PANK4: variants seen among roughly 807,000 people sequenced by gnomAD.
The protein encoded by PANK4 is pantothenate kinase 4 (inactive), also known as 4'-phosphopantetheine phosphatase.
PANK4 carries 40 observed loss-of-function variants against 87.9 expected under a neutral mutation model. The observed-to-expected ratio is 0.46, with a 90% CI of 0.35 to 0.59. The LOEUF (loss-of-function observed/expected upper bound fraction) is 0.59, where lower values mean the gene tolerates loss of function less well. PANK4 is among the 20% of genes least tolerant of loss of function. PANK4 has a pLI of 0.00. For missense variants in PANK4, 926 were observed against 1,072.3 expected (o/e 0.86, Z 1.90); for synonymous variants, 524 against 467.4 (o/e 1.12, Z -1.56).
chr1:2,513,524 G>A (rs1013875441), intron 12 of PANK4, among the ~76,000 whole-genome samples: 4 of 152,216 alleles, frequency 2.6e-5, no homozygotes, highest in Non-Finnish European at 2.9e-5. Context: ...CGCCCGGAAA[G>A]GCCCACCTTG....
intron 1 of PANK4, among the ~76,000 whole-genome samples, chr1:2,525,042 C>T (rs560213241): frequency 6.6e-6 from 1 of 152,324 alleles, no homozygotes; most frequent in South Asian, 2.1e-4. Context: ...GAAGCATTGC[C>T]TCCCATAAGC....
rs1377701143 is a variant in PANK4, at chr1:2,515,910, C to G, written c.1219-193G>C. 4.8e-6 allele frequency: 3 copies of G among 620,248 alleles called. No individual in the cohort carries two copies. Among genetic ancestry groups the G allele is most frequent in the Non-Finnish European group, 8.5e-6 (3 of 354,840 alleles). 38.4% of individuals were successfully genotyped at this position (620,248 alleles called of 1,614,324 possible). The stretch of plus-strand genomic sequence containing the variant: ...GGCCTGAGCCGGATACCTTGACTTA[C>G]CCCCTGGTTTGACACTGGGGTTGCG... On this transcript the variant is annotated intron_variant, in intron 9 of 18. Transcript: ENST00000378466. This position sits in a 1 kb window ranked among gnomAD's most constrained non-coding sequence, Gnocchi z 5.0.
intron 2 of PANK4, 106 bp downstream of exon 2, chr1:2,521,612 A>T: frequency 1.1e-6 from 1 of 935,694 alleles, no homozygotes; most frequent in Non-Finnish European, 1.8e-6. Flanking sequence ...CCAGGACACT[A>T]AAGTCGAGGT....
intron 12 of PANK4, 147 bp from the exon 13 acceptor site, chr1:2,513,186 G>C: frequency 1.2e-6 from 1 of 826,630 alleles, no homozygotes; most frequent in Non-Finnish European, 1.9e-6. Context: ...CAAGCCTATC[G>C]GTCCGGGACA....
Position 2,521,102 on chromosome 1 carries a change from T to C in PANK4, c.421A>G (p.Lys141Glu). ...CTCGCCCTTGAGATCCCCACTCACT[T>C]CAGCCGCAGCTTCTCTTCGATGAGG... is the stretch of plus-strand genomic sequence containing the variant. ...KDLIEEKLRL[K>E]VDKEDVMTCL... Residue 141 changes from lysine (K) to glutamate (E), a missense_variant and splice_region_variant, in exon 3 of 19, where the codon AAA becomes GAA. Lys to Glu is a moderately conservative substitution (Grantham distance 56). Transcript: ENST00000378466. 2 of 1,611,838 alleles carry C rather than the reference T, an allele frequency of 1.2e-6. No homozygotes were observed. Among genetic ancestry groups the C allele is most frequent in the Non-Finnish European group, 8.5e-7 (1 of 1,178,714 alleles).
chr1:2,521,856 GGGGT>G, intron 1 of PANK4, 56 bp from the exon 2 acceptor site: 3 of 1,371,310 alleles, frequency 2.2e-6, no homozygotes, highest in Non-Finnish European at 3.1e-6. Flanking sequence ...GCGGGGCCTG[GGGGT>G]CCATGCCCCA....
Position 2,520,302 on chromosome 1 carries a change from C to T in PANK4, c.699+20G>A. On this transcript the variant is annotated intron_variant, in intron 5 of 18. Transcript: ENST00000378466. This position sits in a 1 kb window ranked among gnomAD's most constrained non-coding sequence, Gnocchi z 6.2. ...ACATCTCCGCAGACCCCTGGAAGGT[C>T]TCTGGCAGCTGCCGCATACCTTCGT... 19 of 1,605,190 alleles carry T rather than the reference C, an allele frequency of 1.2e-5. No homozygotes were observed. The highest frequency in any genetic ancestry group is 1.6e-5 in the Non-Finnish European group (19 of 1,172,970).
At chr1:2,522,275 C>A (rs561561404) in intron 1 of PANK4, among the ~76,000 whole-genome samples, 7 of 152,322 alleles carry the variant, frequency 4.6e-5, no homozygotes, top group East Asian at 1.9e-4. Context: ...GGTAACGGGG[C>A]CTGAGCAGCT....
rs763133147 is a variant in PANK4 at position 2,526,437 on chromosome 1, CGCGCCCG to C, written c.124+20_124+26del. 1.3e-5 allele frequency: 17 copies of C among 1,304,258 alleles called. No individual in the cohort carries two copies. Among genetic ancestry groups the C allele is most frequent in the African/African-American group, 3.1e-5 (2 of 64,948 alleles). The allele number at this position is 1,304,258 out of a possible 1,614,324, so 80.8% of individuals were successfully genotyped here. A position where few individuals can be genotyped will look rare whatever the true frequency, so the allele number is the denominator to read the frequency against. ...CGGCGCCCCGCCCGCCCCCGCAGCC[CGCGCCCG>C]GCGCCCGGCCTGCGGCTACCTATGT... On this transcript the variant is annotated intron_variant, in intron 1 of 18. Transcript: ENST00000378466.
chr1:2,519,356 C>T lies in PANK4; in HGVS notation c.854-32G>A, dbSNP rs571828861. On this transcript the variant is annotated intron_variant, in intron 6 of 18. Coordinates refer to ENST00000378466, the MANE Select transcript of PANK4 (RefSeq NM_018216.4). The surrounding 1 kb of genome is among the most constrained non-coding windows in gnomAD (Gnocchi z 8.3). Reference sequence around the variant, plus strand: ...AAGGGAAGGAAAAGGCACTCATCTCCAAGTACAGCAAGTGCACGACATGAG... The same window carrying T: ...AAGGGAAGGAAAAGGCACTCATCTCTAAGTACAGCAAGTGCACGACATGAG... 13 of 1,522,350 alleles carry T rather than the reference C, an allele frequency of 8.5e-6. No individual in the cohort carries two copies. The East Asian group carries it at 2.8e-4, about 33-fold the overall frequency. The allele number at this position is 1,522,350 out of a possible 1,614,324, so 94.3% of individuals were successfully genotyped here. A position where few individuals can be genotyped will look rare whatever the true frequency, so the allele number is the denominator to read the frequency against.
Position 2,520,645 on chromosome 1 carries a change from C to T in PANK4, c.606+78G>A. ...CTGGGCCCCATCCATGTGCCCAGCCCTGGCTCCTGCACACAGCGAGGGCTT... is the reference window on the plus strand; with the variant it reads ...CTGGGCCCCATCCATGTGCCCAGCCTTGGCTCCTGCACACAGCGAGGGCTT... On this transcript the variant is annotated intron_variant, in intron 4 of 18. Coordinates refer to ENST00000378466, the MANE Select transcript of PANK4 (RefSeq NM_018216.4). This position sits in a 1 kb window ranked among gnomAD's most constrained non-coding sequence, Gnocchi z 6.2. The T allele has an allele frequency of 7.1e-7, 1 of 1,416,904 alleles. No individual in the cohort carries two copies. Among genetic ancestry groups the T allele is most frequent in the Non-Finnish European group, 9.8e-7 (1 of 1,020,212 alleles). 87.8% of individuals were successfully genotyped at this position (1,416,904 alleles called of 1,614,324 possible). A position where few individuals can be genotyped will look rare whatever the true frequency, so the allele number is the denominator to read the frequency against.
rs1370337881 is a variant in PANK4, at chr1:2,518,130, CT to C, written c.1218+33del. Reference sequence around the variant, plus strand: ...GGTGAGTGCGGCATAGGCTGCTCCCCTGGGGCCCGGGGCGGCCAGAGCCCAC... The same window carrying C: ...GGTGAGTGCGGCATAGGCTGCTCCCCGGGGCCCGGGGCGGCCAGAGCCCAC... On this transcript the variant is annotated intron_variant, in intron 9 of 18. Coordinates refer to ENST00000378466, the MANE Select transcript of PANK4 (RefSeq NM_018216.4). 2.1e-6 allele frequency: 3 copies of C among 1,424,532 alleles called. No homozygotes were observed. In the African/African-American group the frequency reaches 4.2e-5, roughly 20 times the overall value. 88.2% of individuals were successfully genotyped at this position (1,424,532 alleles called of 1,614,324 possible).
Position 2,521,869 on chromosome 1 carries a change from C to T in PANK4, c.125-69G>A, listed in dbSNP as rs777864594. On this transcript the variant is annotated intron_variant, in intron 1 of 18. Coordinates refer to ENST00000378466, the MANE Select transcript of PANK4 (RefSeq NM_018216.4). ...CAGCGGGGCCTGGGGGTCCATGCCCCACACTCTCTGGGTGTCCTGGAGACT... is the reference window on the plus strand; with the variant it reads ...CAGCGGGGCCTGGGGGTCCATGCCCTACACTCTCTGGGTGTCCTGGAGACT... The T allele has an allele frequency of 1.3e-5, 16 of 1,219,358 alleles. No individual in the cohort carries two copies. In the East Asian group the frequency reaches 2.8e-4, roughly 21 times the overall value. The allele number at this position is 1,219,358 out of a possible 1,614,324, so 75.5% of individuals were successfully genotyped here.
intron 13 of PANK4, 121 bp downstream of exon 13, chr1:2,512,767 C>T: frequency 1.0e-6 from 1 of 988,096 alleles, no homozygotes; most frequent in Admixed American, 2.0e-5. Context: ...AGCCCTGAGC[C>T]ACCAAGCCAC....
Position 2,520,962 on chromosome 1 carries a change from TGCAA to T in PANK4, c.423-60_423-57del. The T allele has an allele frequency of 6.6e-7, 1 of 1,524,226 alleles. No homozygotes were observed. Among genetic ancestry groups the T allele is most frequent in the East Asian group, 2.3e-5 (1 of 44,116 alleles). 94.4% of individuals were successfully genotyped at this position (1,524,226 alleles called of 1,614,324 possible). ...TCTGGGCCACAGACAGGTGCAACCA[TGCAA>T]GCCTGCCTGGTCCGAAGGGGCAGCC... On this transcript the variant is annotated intron_variant, in intron 3 of 18. Transcript: ENST00000378466. The surrounding 1 kb of genome is among the most constrained non-coding windows in gnomAD (Gnocchi z 6.2).
In PANK4 at chr1:2,508,608, CTATTTATA is replaced by C. The variant is rs1367982637; in HGVS notation, c.*231_*238del. 3 of 223,596 alleles carry C rather than the reference CTATTTATA, an allele frequency of 1.3e-5. No homozygotes were observed. The highest frequency in any genetic ancestry group is 2.3e-5 in the Non-Finnish European group (3 of 129,676). 13.9% of individuals were successfully genotyped at this position (223,596 alleles called of 1,614,324 possible). ...GTCAGACATACCTGTATAGATCTCT[CTATTTATA>C]TATATATATATATAAAAGGTTCTTT... is the stretch of plus-strand genomic sequence containing the variant. On this transcript the variant is annotated 3_prime_UTR_variant, in exon 19 of 19. Coordinates refer to ENST00000378466, the MANE Select transcript of PANK4 (RefSeq NM_018216.4). This position sits in a 1 kb window ranked among gnomAD's most constrained non-coding sequence, Gnocchi z 5.1.
At chr1:2,517,910 C>T (rs971778476) in intron 9 of PANK4, among the ~76,000 whole-genome samples, 4 of 152,178 alleles carry the variant, frequency 2.6e-5, no homozygotes, top group Admixed American at 1.3e-4. Context: ...ACAAGAAGGC[C>T]GGATCACACA....
Position 2,509,149 on chromosome 1 carries a change from A to T in PANK4, c.2109-89T>A, listed in dbSNP as rs1643617864. 1 of 1,002,546 alleles carries T rather than the reference A, an allele frequency of 1.0e-6. No individual in the cohort carries two copies. The highest frequency in any genetic ancestry group is 1.6e-5 in the African/African-American group (1 of 61,960). The allele number at this position is 1,002,546 out of a possible 1,614,324, so 62.1% of individuals were successfully genotyped here. On this transcript the variant is annotated intron_variant, in intron 18 of 18. Coordinates refer to ENST00000378466, the MANE Select transcript of PANK4 (RefSeq NM_018216.4). This position sits in a 1 kb window ranked among gnomAD's most constrained non-coding sequence, Gnocchi z 4.9. ...TGCGGCGACCAACGTGAAGGCTGAAACCCCTACCGCTCAATTCCCTGATGT... is the reference window on the plus strand; with the variant it reads ...TGCGGCGACCAACGTGAAGGCTGAATCCCCTACCGCTCAATTCCCTGATGT...
At position 2,511,343 on chromosome 1, in the gene PANK4, A is replaced by T. The variant is rs1032569971; in HGVS notation, c.1828T>A (p.Leu610Ile). 1.9e-6 allele frequency: 3 copies of T among 1,608,836 alleles called. No individual in the cohort carries two copies. The highest frequency in any genetic ancestry group is 1.1e-5 in the South Asian group (1 of 91,020). ...VDSYSEWLQR[L>I]KGPPHKCALI... ...TGGGAGGCCCCTCCACATACCTTTA[A>T]TCTCTGAAGCCACTCGCTGTAGGAA... Residue 610 changes from leucine to isoleucine, a missense_variant, in exon 15 of 19, where the codon TTA becomes ATA. Leu to Ile is a conservative substitution (Grantham distance 5, BLOSUM62 2). Coordinates refer to ENST00000378466, the MANE Select transcript of PANK4 (RefSeq NM_018216.4).
Sources: allele counts gnomAD v4.1 joint callset (sites outside exome capture counted in the v4.1 genomes callset), GRCh38; gene constraint gnomAD v4.1.1; non-coding constraint Gnocchi (gnomAD v3.1); transcripts MANE v1.5; gene names NCBI Gene and HGNC (gene_info 2026-07-23, HGNC 2026-07-21).